The following TLE2 variants were observed in gnomAD, a reference collection of about 807,000 sequenced individuals.
TLE2 encodes the protein TLE family member 2, transcriptional corepressor.
Under a neutral mutation model 97.2 loss-of-function variants are expected in TLE2, and 74 were observed. The ratio of observed to expected loss-of-function variants is 0.76; its 90% CI spans 0.63 to 0.92. TLE2 has a LOEUF of 0.92. TLE2 is among the 40% of genes least tolerant of loss of function. The pLI is 0.00. For missense variants in TLE2, 1,038 were observed against 1,008.7 expected (o/e 1.03, Z -0.39); for synonymous variants, 499 against 432.1 (o/e 1.15, Z -1.92).
rs759754198 is a variant in TLE2 at position 3,000,721 on chromosome 19, G to A, written c.2050C>T (p.Arg684Trp). 25 of 1,583,120 alleles carry A rather than the reference G, an allele frequency of 1.6e-5. No homozygotes were observed. The highest frequency in any genetic ancestry group is 4.0e-5 in the African/African-American group (3 of 74,300). ...VLSLKFASCG[R>W]WFVSTGKDNL... ...TCCTTCCCGGTGCTCACAAACCACC[G>A]TCCTTGGGGAAGGAGAGCAGCAGGG... is the stretch of plus-strand genomic sequence containing the variant. Residue 684 changes from arginine (R) to tryptophan (W), a missense_variant and splice_region_variant, in exon 19 of 20, where the codon CGG (arginine) becomes TGG (tryptophan). By Grantham distance (101) the Arg-to-Trp change is moderately radical. Coordinates refer to ENST00000262953, the MANE Select transcript of TLE2 (RefSeq NM_003260.5).
intron 5 of TLE2, among the ~76,000 whole-genome samples, chr19:3,022,924 G>A (rs888024997): frequency 3.3e-5 from 5 of 152,178 alleles, no homozygotes; most frequent in African/African-American, 2.4e-5. Context: ...GTACATGAGT[G>A]GGCGTGGCTA....
At chr19:3,010,460 G>A (rs909604770) in intron 12 of TLE2, among the ~76,000 whole-genome samples, 4 of 151,848 alleles carry the variant, frequency 2.6e-5, no homozygotes, top group Non-Finnish European at 5.9e-5. Flanking sequence ...CTCCAGCCCT[G>A]CCCATCTTGG....
chr19:3,039,077 G>A (rs1424646758), intron 1 of TLE2, among the ~76,000 whole-genome samples: 1 of 149,032 alleles, frequency 6.7e-6, no homozygotes, highest in East Asian at 1.9e-4. Flanking sequence ...AAAAAAATTA[G>A]CTGGGTGTGG....
chr19:3,045,808 CAA>C (rs1456825518), upstream of TLE2: 1 of 406,538 alleles, frequency 2.5e-6, no homozygotes, highest in African/African-American at 2.0e-5. Context: ...GCCTGGGCAA[CAA>C]GAGTGAAACT....
At chr19:3,025,389 GCTCAGACACCCAACTCAGACGCAGACA>G (rs1322139582) in intron 4 of TLE2, 69 of 1,180,416 alleles carry the variant, frequency 5.8e-5, no homozygotes, top group African/African-American at 1.4e-4. Flanking sequence ...GGAGGCAGAC[GCTCAGACACCCAACTCAGACGCAGACA>G]CTCAGAGGTG....
rs1006768759 is a variant in TLE2, at chr19:3,022,029, G to C, written c.295-2256C>G. On this transcript the variant is annotated intron_variant, in intron 5 of 19. Coordinates refer to ENST00000262953, the MANE Select transcript of TLE2 (RefSeq NM_003260.5). ...GAGACCAGCCTGGGCAACATGGTGAGACTCCCTCTCTGTTACATTATACAT... is the reference window on the plus strand; with the variant it reads ...GAGACCAGCCTGGGCAACATGGTGACACTCCCTCTCTGTTACATTATACAT... Among the ~76,000 whole-genome samples, 4 of 151,820 alleles carry C rather than the reference G, an allele frequency of 2.6e-5. No homozygotes were observed. In the East Asian group the frequency reaches 7.9e-4, roughly 30 times the overall value.
intron 8 of TLE2, 148 bp from the exon 9 acceptor site, chr19:3,015,908 C>G: frequency 4.2e-6 from 3 of 707,192 alleles, no homozygotes; most frequent in Non-Finnish European, 5.1e-6. Flanking sequence ...CTTCCAACGG[C>G]TGACTCAGTG....
intron 2 of TLE2, 98 bp downstream of exon 2, chr19:3,028,608 C>T: frequency 1.4e-6 from 2 of 1,422,998 alleles, no homozygotes; most frequent in Non-Finnish European, 2.0e-6. Flanking sequence ...GCCCCCCCTC[C>T]AACCGGGAGC....
At chr19:3,014,434 G>A (rs1048926065) in intron 10 of TLE2, 136 bp downstream of exon 10, 60 of 758,586 alleles carry the variant, frequency 7.9e-5, no homozygotes, top group Non-Finnish European at 9.8e-5. Flanking sequence ...AGTCCCTGAC[G>A]CTTCCTGACC....
intron 18 of TLE2, among the ~76,000 whole-genome samples, chr19:3,001,791 CTTTTTTTTTTTT>C (rs562875053): frequency 1.8e-5 from 2 of 111,426 alleles, no homozygotes; most frequent in South Asian, 2.9e-4. Context: ...TCTTTTCTTT[CTTTTTTTTTTTT>C]TTTTTTTTTT....
chr19:3,000,819 T>A, intron 18 of TLE2, 96 bp from the exon 19 acceptor site: 45 of 658,492 alleles, frequency 6.8e-5, no homozygotes, highest in Non-Finnish European at 9.1e-5. Flanking sequence ...GGGTCTGGCC[T>A]CTCCCTTTTT....
chr19:3,006,814 G>C (rs779263155), intron 14 of TLE2, 145 bp from the exon 15 acceptor site: 2 of 1,239,266 alleles, frequency 1.6e-6, no homozygotes, highest in Non-Finnish European at 2.2e-6. Context: ...AGGGAGTCTC[G>C]CCGTGTCGCC....
Position 3,017,875 on chromosome 19 carries a change from T to C in TLE2, c.551-16A>G. 1.2e-6 allele frequency: 2 copies of C among 1,611,848 alleles called. No individual in the cohort carries two copies. The highest frequency in any genetic ancestry group is 1.7e-6 in the Non-Finnish European group (2 of 1,178,930). Reference sequence around the variant, plus strand: ...GCTCTCTCCACTGACAGATTGGGAATGGGATAAAGAGAAAGAAGGAGAAAG... The same window carrying C: ...GCTCTCTCCACTGACAGATTGGGAACGGGATAAAGAGAAAGAAGGAGAAAG... On this transcript the variant is annotated splice_polypyrimidine_tract_variant and intron_variant, in intron 7 of 19. Coordinates refer to ENST00000262953, the MANE Select transcript of TLE2 (RefSeq NM_003260.5).
At chr19:3,005,652 C>A in intron 16 of TLE2, 68 bp from the exon 17 acceptor site, 1 of 1,606,978 alleles carries the variant, frequency 6.2e-7, no homozygotes, top group African/African-American at 1.3e-5. Context: ...CCAGGTCACA[C>A]TCCTCCACTC....
At chr19:2,998,304 G>C (rs1436240885) in intron 19 of TLE2, among the ~76,000 whole-genome samples, 1 of 144,680 alleles carries the variant, frequency 6.9e-6, no homozygotes, top group Non-Finnish European at 1.5e-5. Flanking sequence ...GTGAGACAGG[G>C]TCTAACTCTG....
Position 3,029,003 on chromosome 19 carries a change from C to T in TLE2, c.-99G>A. 1.3e-6 allele frequency: 2 copies of T among 1,531,404 alleles called. No individual in the cohort carries two copies. The highest frequency in any genetic ancestry group is 1.8e-6 in the Non-Finnish European group (2 of 1,140,254). The allele number at this position is 1,531,404 out of a possible 1,614,324, so 94.9% of individuals were successfully genotyped here. Reference sequence around the variant, plus strand: ...GAAGTGGGGTGGTGGGGAGGCTGCCCGAAGAAAGAGGGAGGAGGGAGAAGC... The same window carrying T: ...GAAGTGGGGTGGTGGGGAGGCTGCCTGAAGAAAGAGGGAGGAGGGAGAAGC... On this transcript the variant is annotated 5_prime_UTR_variant, in exon 1 of 20. Coordinates refer to ENST00000262953, the MANE Select transcript of TLE2 (RefSeq NM_003260.5).
rs775589321 is a variant in TLE2 at position 3,006,408 on chromosome 19, C to G, written c.1500+12G>C. 17 of 1,608,346 alleles carry G rather than the reference C, an allele frequency of 1.1e-5. No homozygotes were observed. The highest frequency in any genetic ancestry group is 1.4e-5 in the Non-Finnish European group (16 of 1,178,954). Reference sequence around the variant, plus strand: ...CCTGTGAGTCCCGCCCACTGTCCCACCCCGCCCTCACCAGGCAGTCGAGCT... The same window carrying G: ...CCTGTGAGTCCCGCCCACTGTCCCAGCCCGCCCTCACCAGGCAGTCGAGCT... On this transcript the variant is annotated intron_variant, in intron 15 of 19. Transcript: ENST00000262953.
chr19:3,046,498 C>G (rs781621797), upstream of TLE2, among the ~76,000 whole-genome samples: 6 of 152,320 alleles, frequency 3.9e-5, no homozygotes, highest in Non-Finnish European at 1.5e-5. Flanking sequence ...GAGGCCAGAG[C>G]CTGGCCCTTT....
chr19:3,006,040 G>A (rs1876499445), intron 15 of TLE2, 72 bp from the exon 16 acceptor site: 12 of 1,552,158 alleles, frequency 7.7e-6, no homozygotes, highest in Non-Finnish European at 9.8e-6. Flanking sequence ...AGCTCAACGT[G>A]GGGGTCTCTG....
Sources: gnomAD v4.1 joint callset for allele counts (sites outside exome capture counted in the v4.1 genomes callset) on GRCh38, gnomAD v4.1.1 for gene constraint, MANE v1.5 for transcripts, NCBI Gene and HGNC (gene_info 2026-07-23, HGNC 2026-07-21) for gene names.